Variants in MACROD2 observed in about 807,000 individuals in gnomAD.
MACROD2 encodes the protein mono-ADP ribosylhydrolase 2, also known as ADP-ribose glycohydrolase MACROD2.
MACROD2 carries 36 observed loss-of-function variants against 70.4 expected under a neutral mutation model. That is an observed-to-expected ratio of 0.51 (90% CI 0.39 to 0.68). MACROD2 has a LOEUF of 0.68. Among genes scored for constraint, MACROD2 ranks in the 30% least tolerant of loss-of-function variants. The probability of loss-of-function intolerance (pLI) is 0.00; values close to 1 mark genes in which losing one functional copy is unlikely to be tolerated. For synonymous variants in MACROD2, 172 were observed against 178.8 expected (o/e 0.96, Z 0.30); for missense variants, 496 against 538.4 (o/e 0.92, Z 0.78).
chr20:14,658,527 A>G (rs1346852729), intron 4 of MACROD2, among the ~76,000 whole-genome samples: 2 of 152,216 alleles, frequency 1.3e-5, no homozygotes, highest in Non-Finnish European at 2.9e-5. Context: ...ATTAGGCACA[A>G]TCTAAACCCA....
At chr20:15,516,623 A>G (rs6043342) in intron 8 of MACROD2, among the ~76,000 whole-genome samples, 63,342 of 151,858 alleles carry the variant, frequency 0.42, 13,355 homozygotes, top group East Asian at 0.46. Flanking sequence ...GGGCAGCCTG[A>G]ATGTTTTTCC....
intron 8 of MACROD2, among the ~76,000 whole-genome samples, chr20:15,854,188 T>C (rs570140194): frequency 6.6e-6 from 1 of 152,294 alleles, no homozygotes; most frequent in South Asian, 2.1e-4. Context: ...TCTGGCTAAT[T>C]ACAAACAGGT....
At chr20:15,641,739 G>T (rs996687325) in intron 8 of MACROD2, among the ~76,000 whole-genome samples, 1 of 152,158 alleles carries the variant, frequency 6.6e-6, no homozygotes, top group African/African-American at 2.4e-5. Context: ...TGAAGACAAG[G>T]AAGATATAGA....
intron 3 of MACROD2, among the ~76,000 whole-genome samples, chr20:14,202,918 C>T (rs1333211900): frequency 6.6e-6 from 1 of 152,058 alleles, no homozygotes; most frequent in Admixed American, 6.5e-5. Context: ...TGTGGTGGCA[C>T]ATGCCTGTAA....
At chr20:15,032,012 G>A (rs938223645) in intron 5 of MACROD2, among the ~76,000 whole-genome samples, 1 of 152,188 alleles carries the variant, frequency 6.6e-6, no homozygotes, top group African/African-American at 2.4e-5. Flanking sequence ...CCCAAAGTCC[G>A]GAGGGGTTGA....
intron 4 of MACROD2, among the ~76,000 whole-genome samples, chr20:14,536,428 G>C (rs1427081083): frequency 1.3e-5 from 2 of 152,164 alleles, no homozygotes; most frequent in Non-Finnish European, 2.9e-5. Context: ...TAATATATGA[G>C]AGTTGGAGGT....
chr20:14,797,751 T>C (rs2072527622), intron 5 of MACROD2, among the ~76,000 whole-genome samples: 1 of 152,102 alleles, frequency 6.6e-6, no homozygotes, highest in South Asian at 2.1e-4. Flanking sequence ...CATTTGTTTC[T>C]AATTGTACAC....
At chr20:15,053,822 C>T (rs748250471) in intron 5 of MACROD2, among the ~76,000 whole-genome samples, 8 of 152,300 alleles carry the variant, frequency 5.3e-5, no homozygotes, top group Non-Finnish European at 1.2e-4. Context: ...TGAAAACCTT[C>T]TGGAAAGGAT....
intron 6 of MACROD2, among the ~76,000 whole-genome samples, chr20:15,237,510 T>A (rs530719835): frequency 3.7e-4 from 52 of 138,756 alleles, no homozygotes; most frequent in Non-Finnish European, 7.0e-4. Flanking sequence ...TGGCACTCTA[T>A]TGATTTTTTT....
In MACROD2 at chr20:14,230,654, T is replaced by TATATATATATATATAAAA; in HGVS notation, c.271+144927_271+144928insTATATATATATATAAAAA. Among the ~76,000 whole-genome samples the TATATATATATATATAAAA allele has an allele frequency of 1.6e-3, 117 of 74,214 alleles. 8 individuals are homozygous for TATATATATATATATAAAA. Among genetic ancestry groups the TATATATATATATATAAAA allele is most frequent in the African/African-American group, 7.1e-3 (105 of 14,800 alleles). 48.7% of individuals were successfully genotyped at this position (74,214 alleles called of 152,430 possible). On this transcript the variant is annotated intron_variant, in intron 3 of 17. Transcript: ENST00000684519. ...GTTTATATATATATATATATATATA[T>TATATATATATATATAAAA]AACACAGGCTGGGCCTATATATATA...
intron 6 of MACROD2, among the ~76,000 whole-genome samples, chr20:15,352,318 A>G (rs774772915): frequency 1.3e-5 from 2 of 152,126 alleles, no homozygotes; most frequent in Non-Finnish European, 2.9e-5. Flanking sequence ...GGGTTTTCTC[A>G]TTTCTTGTAA....
chr20:14,084,316 G>A (rs1414198449), intron 2 of MACROD2, among the ~76,000 whole-genome samples: 2 of 151,878 alleles, frequency 1.3e-5, no homozygotes, highest in Non-Finnish European at 2.9e-5. Flanking sequence ...GTGAATAGCA[G>A]TGTCTCCTCT....
At chr20:14,770,040 A>G (rs991967383) in intron 5 of MACROD2, among the ~76,000 whole-genome samples, 1 of 152,042 alleles carries the variant, frequency 6.6e-6, no homozygotes, top group African/African-American at 2.4e-5. Context: ...TAAATAAAAG[A>G]AAAAGATTGC....
At chr20:14,310,120 A>G (rs2082553678) in intron 3 of MACROD2, among the ~76,000 whole-genome samples, 1 of 152,168 alleles carries the variant, frequency 6.6e-6, no homozygotes, top group African/African-American at 2.4e-5. Context: ...ATTTGTTTCT[A>G]AAAACTAATG....
At chr20:14,734,568 CA>C (rs1353917621) in intron 5 of MACROD2, among the ~76,000 whole-genome samples, 1 of 142,940 alleles carries the variant, frequency 7.0e-6, no homozygotes, top group Non-Finnish European at 1.5e-5. Context: ...CAACCAATAA[CA>C]GGAAGGTACT....
Position 14,197,572 on chromosome 20 carries a change from A to G in MACROD2, c.271+111844A>G, listed in dbSNP as rs559113321. On this transcript the variant is annotated intron_variant, in intron 3 of 17. Coordinates refer to ENST00000684519, the MANE Select transcript of MACROD2 (RefSeq NM_001351661.2). ...CACCTGAGGTTGGGAGTTCGAGACC[A>G]GCCTGGCCAACATGGTGAAACCCTG... Among the ~76,000 whole-genome samples, 10 of 152,248 alleles carry G rather than the reference A, an allele frequency of 6.6e-5. No individual in the cohort carries two copies. In the East Asian group the frequency reaches 1.9e-3, roughly 29 times the overall value.
intron 7 of MACROD2, among the ~76,000 whole-genome samples, chr20:15,435,998 G>GT (rs2146365787): frequency 6.6e-6 from 1 of 152,230 alleles, no homozygotes; most frequent in South Asian, 2.1e-4. Context: ...AAATTTACAA[G>GT]TGAGACTGAT....
chr20:15,815,875 A>T (rs188129564), intron 8 of MACROD2, among the ~76,000 whole-genome samples: 1 of 152,240 alleles, frequency 6.6e-6, no homozygotes, highest in Non-Finnish European at 1.5e-5. Flanking sequence ...TGATTATTAG[A>T]TTTCAAAACT....
At chr20:15,170,987 C>T (rs1272721609) in intron 5 of MACROD2, among the ~76,000 whole-genome samples, 1 of 152,086 alleles carries the variant, frequency 6.6e-6, no homozygotes, top group Non-Finnish European at 1.5e-5. Context: ...GCAGGGCGGT[C>T]GCTGTCATCT....
Sources: gnomAD v4.1 joint callset for allele counts (sites outside exome capture counted in the v4.1 genomes callset) on GRCh38, gnomAD v4.1.1 for gene constraint, MANE v1.5 for transcripts, NCBI Gene and HGNC (gene_info 2026-07-23, HGNC 2026-07-21) for gene names.